PACRG: variants seen among roughly 807,000 people sequenced by gnomAD.
PACRG encodes parkin coregulated.
PACRG carries 29 observed loss-of-function variants against 29.7 expected under a neutral mutation model. The ratio of observed to expected loss-of-function variants is 0.98; its 90% CI spans 0.73 to 1.33. The LOEUF (loss-of-function observed/expected upper bound fraction) is 1.33. PACRG is among the 40% of genes most tolerant of loss of function. The pLI is 0.00. For synonymous variants in PACRG, 116 were observed against 118.7 expected, an observed-to-expected ratio of 0.98 and a Z score of 0.15; for missense variants, 279 against 316.2, an observed-to-expected ratio of 0.88 and a Z score of 0.89.
chr6:162,817,662 A>C (rs1284620128), intron 2 of PACRG, among the ~76,000 whole-genome samples: 1 of 152,150 alleles, frequency 6.6e-6, no homozygotes, highest in African/African-American at 2.4e-5. Flanking sequence ...AATTTTATTT[A>C]ATTTTAATTA....
At chr6:162,821,460 T>A (rs1458805065) in intron 2 of PACRG, among the ~76,000 whole-genome samples, 1 of 152,206 alleles carries the variant, frequency 6.6e-6, no homozygotes, top group Admixed American at 6.5e-5. Context: ...CAGATCTCAG[T>A]AGACTGACAA....
chr6:163,197,054 A>G (rs1462795089), intron 4 of PACRG, among the ~76,000 whole-genome samples: 1 of 152,230 alleles, frequency 6.6e-6, no homozygotes, highest in African/African-American at 2.4e-5. Flanking sequence ...GAAGCAGAAA[A>G]AAAGTAAGAA....
chr6:163,030,740 C>T (rs544153533), intron 2 of PACRG, among the ~76,000 whole-genome samples: 3 of 152,184 alleles, frequency 2.0e-5, no homozygotes, highest in Admixed American at 6.5e-5. Context: ...TCATGCCTCC[C>T]CCTTTCAGAC....
At chr6:163,278,634 A>G (rs59150130) in intron 4 of PACRG, among the ~76,000 whole-genome samples, 7,575 of 152,236 alleles carry the variant, frequency 0.05, 187 homozygotes, top group Middle Eastern at 0.085. Context: ...GTCAAAGATC[A>G]GTATGCTGTA....
intron 4 of PACRG, among the ~76,000 whole-genome samples, chr6:163,277,982 A>G (rs1784106428): frequency 6.6e-6 from 1 of 152,170 alleles, no homozygotes; most frequent in Admixed American, 6.5e-5. Context: ...TTTTCACCAC[A>G]TCCATACCAG....
chr6:163,146,343 T>TTTCAGAAGTCACCAGAAGTCAC (rs1373755550), intron 4 of PACRG, among the ~76,000 whole-genome samples: 3 of 152,174 alleles, frequency 2.0e-5, no homozygotes, highest in Non-Finnish European at 4.4e-5. Flanking sequence ...TTCTGTTGAT[T>TTTCAGAAGTCACCAGAAGTCAC]TTCAGAATCA....
chr6:163,152,033 G>A (rs1778113714), intron 4 of PACRG, among the ~76,000 whole-genome samples: 1 of 152,104 alleles, frequency 6.6e-6, no homozygotes, highest in Non-Finnish European at 1.5e-5. Flanking sequence ...AATTACAATG[G>A]CACTTCCCAG....
chr6:162,837,866 G>T (rs1044532233), intron 2 of PACRG, among the ~76,000 whole-genome samples: 4 of 152,054 alleles, frequency 2.6e-5, no homozygotes, highest in African/African-American at 9.7e-5. Context: ...AAGGAAACAA[G>T]AAATTGTTAG....
intron 4 of PACRG, among the ~76,000 whole-genome samples, chr6:163,105,594 G>A (rs1001634114): frequency 1.3e-5 from 2 of 152,088 alleles, no homozygotes; most frequent in African/African-American, 4.8e-5. Context: ...TCTATAATAA[G>A]CTATGTTCAG....
intron 2 of PACRG, among the ~76,000 whole-genome samples, chr6:162,874,758 A>G (rs1000527015): frequency 6.6e-6 from 1 of 152,128 alleles, no homozygotes; most frequent in Non-Finnish European, 1.5e-5. Flanking sequence ...ACACACTTAC[A>G]TATACATTCA....
intron 4 of PACRG, among the ~76,000 whole-genome samples, chr6:163,135,290 G>A (rs753544444): frequency 6.6e-6 from 1 of 151,888 alleles, no homozygotes; most frequent in Non-Finnish European, 1.5e-5. Flanking sequence ...CTCGGTTCAA[G>A]CGATTCTCCT....
At chr6:163,295,368 G>A (rs1290736916) in intron 4 of PACRG, among the ~76,000 whole-genome samples, 4 of 152,156 alleles carry the variant, frequency 2.6e-5, no homozygotes, top group African/African-American at 9.7e-5. Flanking sequence ...TGTGTTAATT[G>A]GCTTGGCCAC....
At chr6:163,171,429 C>T (rs1176668886) in intron 4 of PACRG, among the ~76,000 whole-genome samples, 1 of 152,106 alleles carries the variant, frequency 6.6e-6, no homozygotes, top group Non-Finnish European at 1.5e-5. Flanking sequence ...ATCTTTGCCC[C>T]TCCGTGAGGC....
intron 3 of PACRG, among the ~76,000 whole-genome samples, chr6:163,084,650 G>A (rs528077347): frequency 4.6e-5 from 7 of 151,890 alleles, no homozygotes; most frequent in African/African-American, 7.3e-5. Flanking sequence ...ATCCAATAAC[G>A]TTGATCACAA....
In PACRG at chr6:162,837,780, C is replaced by G. The variant is rs534114945; in HGVS notation, c.291+23499C>G. On this transcript the variant is annotated intron_variant, in intron 2 of 4. Coordinates refer to ENST00000366888, the MANE Select transcript of PACRG (RefSeq NM_001080379.2). ...TACACCTCAGCACATGTTTTAAAAACTAGAGGGGCCTCACACAACAGCAAG... is the reference window on the plus strand; with the variant it reads ...TACACCTCAGCACATGTTTTAAAAAGTAGAGGGGCCTCACACAACAGCAAG... Among the ~76,000 whole-genome samples the G allele has an allele frequency of 1.3e-3, 203 of 152,212 alleles. 3 individuals are homozygous for G. The highest frequency in any genetic ancestry group is 4.7e-3 in the African/African-American group (197 of 41,548).
chr6:162,872,724 A>G (rs1362545131), intron 2 of PACRG, among the ~76,000 whole-genome samples: 4 of 152,180 alleles, frequency 2.6e-5, no homozygotes, highest in Non-Finnish European at 4.4e-5. Flanking sequence ...TTGCAGGTCC[A>G]GACACCCACA....
intron 4 of PACRG, among the ~76,000 whole-genome samples, chr6:163,201,802 T>C (rs2128149816): frequency 6.6e-6 from 1 of 152,284 alleles, no homozygotes; most frequent in East Asian, 1.9e-4. Flanking sequence ...ATGGGGATGT[T>C]AGGTGACCTC....
Position 162,980,184 on chromosome 6 carries a change from A to G in PACRG, c.292-81966A>G, listed in dbSNP as rs934354423. On this transcript the variant is annotated intron_variant, in intron 2 of 4. Coordinates refer to ENST00000366888, the MANE Select transcript of PACRG (RefSeq NM_001080379.2). ...GAAACACACACATACACACACACAC[A>G]CACACGCACACACACACATTTTCAG... Among the ~76,000 whole-genome samples, 13 of 151,960 alleles carry G rather than the reference A, an allele frequency of 8.6e-5. No homozygotes were observed. The East Asian group carries it at 1.7e-3, about 20-fold the overall frequency.
intron 4 of PACRG, among the ~76,000 whole-genome samples, chr6:163,107,644 C>T (rs1815458866): frequency 6.6e-6 from 1 of 152,356 alleles, no homozygotes; most frequent in East Asian, 1.9e-4. Context: ...CTCTCTGCTT[C>T]ATGAGTTTCC....
Sources: gnomAD v4.1 joint callset for allele counts (sites outside exome capture counted in the v4.1 genomes callset) on GRCh38, gnomAD v4.1.1 for gene constraint, MANE v1.5 for transcripts, NCBI Gene and HGNC (gene_info 2026-07-23, HGNC 2026-07-21) for gene names.